CD6: variants seen among roughly 807,000 people sequenced by gnomAD.
CD6 encodes the protein T-cell differentiation antigen CD6.
A neutral mutation model predicts 75.3 loss-of-function variants in CD6; 53 were observed. The observed-to-expected ratio is 0.70, with a 90% CI of 0.56 to 0.88. CD6 has a LOEUF of 0.88. Among genes scored for constraint, CD6 ranks in the 40% least tolerant of loss-of-function variants. CD6 has a pLI of 0.00. For missense variants in CD6, 770 were observed against 897.1 expected, an observed-to-expected ratio of 0.86 and a Z score of 1.81; for synonymous variants, 359 against 381.5, an observed-to-expected ratio of 0.94 and a Z score of 0.69.
rs1858990570 is a variant in CD6, at chr11:61,008,601, T to C, written c.537T>C (p.His179=). The C allele has an allele frequency of 3.1e-6, 5 of 1,608,330 alleles. No individual in the cohort carries two copies. In the South Asian group the frequency reaches 4.4e-5, roughly 14 times the overall value. ...ACAGRVEMLE[H]GEWGSVCDDT... Reference sequence around the variant, plus strand: ...CCGGCCGCGTGGAGATGCTGGAGCATGGCGAGTGGGGATCAGTGTGCGATG... The same window carrying C: ...CCGGCCGCGTGGAGATGCTGGAGCACGGCGAGTGGGGATCAGTGTGCGATG... Residue 179 remains histidine (H), a synonymous_variant, in exon 4 of 13, where the codon CAT becomes CAC. Transcript: ENST00000313421.
chr11:61,008,719 G>A lies in CD6; in HGVS notation c.655G>A (p.Gly219Ser), dbSNP rs750839213. ...QALPGLHFTP[G>S]RGPIHRDQVN... Reference sequence around the variant, plus strand: ...CCTGCCCGGCTTGCACTTCACGCCCGGCCGCGGGCCTATCCACCGGGACCA... The same window carrying A: ...CCTGCCCGGCTTGCACTTCACGCCCAGCCGCGGGCCTATCCACCGGGACCA... Residue 219 changes from glycine to serine, a missense_variant, in exon 4 of 13, where the codon GGC (glycine) becomes AGC (serine). Coordinates refer to ENST00000313421, the MANE Select transcript of CD6 (RefSeq NM_006725.5). 2 of 1,608,018 alleles carry A rather than the reference G, an allele frequency of 1.2e-6. No individual in the cohort carries two copies. The highest frequency in any genetic ancestry group is 1.7e-5 in the Admixed American group (1 of 59,490).
rs747740509 is a variant in CD6, at chr11:60,971,918, G to A, written c.49+4G>A. On this transcript the variant is annotated splice_donor_region_variant and intron_variant, in intron 1 of 12. Coordinates refer to ENST00000313421, the MANE Select transcript of CD6 (RefSeq NM_006725.5). ...TTGCTGACGGCAGCCCTCTCAGGTA[G>A]GCCCCCTTCCCTCATCTCCTGCCAC... is the stretch of plus-strand genomic sequence containing the variant. The A allele has an allele frequency of 4.3e-6, 7 of 1,613,716 alleles. No individual in the cohort carries two copies. The African/African-American group carries it at 8.0e-5, about 18-fold the overall frequency.
chr11:61,012,356 CG>C (rs1859191465), intron 6 of CD6, among the ~76,000 whole-genome samples: 1 of 152,026 alleles, frequency 6.6e-6, no homozygotes, highest in Non-Finnish European at 1.5e-5. Flanking sequence ...CCCTCGGCCA[CG>C]GCCCTCTGTA....
At chr11:60,999,304 T>C (rs968342207) in intron 1 of CD6, among the ~76,000 whole-genome samples, 1 of 151,296 alleles carries the variant, frequency 6.6e-6, no homozygotes, top group Non-Finnish European at 1.5e-5. Flanking sequence ...AGGTCCTGGA[T>C]ATATGGGGGT....
At chr11:60,983,440 G>A (rs1857666964) in intron 1 of CD6, among the ~76,000 whole-genome samples, 1 of 152,074 alleles carries the variant, frequency 6.6e-6, no homozygotes, top group East Asian at 1.9e-4. Context: ...GACTTACTGA[G>A]AAGTTGCAAG....
At chr11:60,979,339 G>T (rs563992200) in intron 1 of CD6, among the ~76,000 whole-genome samples, 1 of 152,166 alleles carries the variant, frequency 6.6e-6, no homozygotes, top group African/African-American at 2.4e-5. Context: ...ATCATGGCAC[G>T]CCCTCATGGG....
chr11:61,011,557 G>A (rs903613386), intron 6 of CD6, among the ~76,000 whole-genome samples: 4 of 152,232 alleles, frequency 2.6e-5, no homozygotes, highest in Admixed American at 2.6e-4. Flanking sequence ...ACTGGGCCTA[G>A]GGCTTTATAG....
intron 1 of CD6, among the ~76,000 whole-genome samples, chr11:60,972,344 ATC>A (rs1857217687): frequency 1.3e-5 from 2 of 152,236 alleles, no homozygotes. Flanking sequence ...GCGTAGGCCA[ATC>A]ACAGGAGAGC....
intron 1 of CD6, among the ~76,000 whole-genome samples, chr11:60,979,870 A>C (rs773532476): frequency 2.6e-5 from 4 of 152,174 alleles, no homozygotes; most frequent in African/African-American, 9.7e-5. Context: ...AACAGTTTAT[A>C]GTGTTGTGGT....
rs1797852833 is a variant in CD6, at chr11:61,001,639, C to G, written c.50-4935C>G. Among the ~76,000 whole-genome samples, 6 of 152,138 alleles carry G rather than the reference C, an allele frequency of 3.9e-5. No individual in the cohort carries two copies. The South Asian group carries it at 1.2e-3, about 32-fold the overall frequency. On this transcript the variant is annotated intron_variant, in intron 1 of 12. Transcript: ENST00000313421. ...TTCTTATTTTTTTCATATCAACATA[C>G]ATACCTAATTTTACATACATAGAAT...
chr11:60,991,922 G>T (rs968837610), intron 1 of CD6, among the ~76,000 whole-genome samples: 56 of 151,826 alleles, frequency 3.7e-4, no homozygotes, highest in African/African-American at 1.4e-3. Flanking sequence ...TCACTCTGTT[G>T]CCCAGGCTGG....
chr11:60,981,132 G>A (rs1857545045), intron 1 of CD6, among the ~76,000 whole-genome samples: 1 of 152,224 alleles, frequency 6.6e-6, no homozygotes, highest in African/African-American at 2.4e-5. Context: ...TGTTAGGCAG[G>A]CAGTACAAGG....
Position 61,019,366 on chromosome 11 carries a change from C to T in CD6, c.*48C>T. The stretch of plus-strand genomic sequence containing the variant: ...GGGGTGGCTCTGACCCTCTGGCCTC[C>T]TGCTCTACCTACTCCCTTTCCCCTT... On this transcript the variant is annotated 3_prime_UTR_variant, in exon 13 of 13. Coordinates refer to ENST00000313421, the MANE Select transcript of CD6 (RefSeq NM_006725.5). The T allele has an allele frequency of 7.0e-7, 1 of 1,437,218 alleles. No homozygotes were observed. The highest frequency in any genetic ancestry group is 2.3e-5 in the East Asian group (1 of 43,658). 89.0% of individuals were successfully genotyped at this position (1,437,218 alleles called of 1,614,324 possible). A position where few individuals can be genotyped will look rare whatever the true frequency, so the allele number is the denominator to read the frequency against.
chr11:61,017,267 T>C, intron 9 of CD6: 1 of 575,394 alleles, frequency 1.7e-6, no homozygotes, highest in East Asian at 2.9e-5. Flanking sequence ...GGCACTAGAG[T>C]TTCTGTCCCC....
At chr11:60,997,828 GA>G (rs11288769) in intron 1 of CD6, among the ~76,000 whole-genome samples, 39,611 of 152,110 alleles carry the variant, frequency 0.26, 5,917 homozygotes, top group African/African-American at 0.4. Flanking sequence ...TAAATAAAAT[GA>G]AATTTTGAGT....
At chr11:61,013,370 G>T in intron 6 of CD6, 53 bp from the exon 7 acceptor site, 3 of 1,599,232 alleles carry the variant, frequency 1.9e-6, no homozygotes, top group South Asian at 2.2e-5. Flanking sequence ...AAGGCAAGAA[G>T]AAGGGTGAGT....
At chr11:60,993,480 C>A (rs2905511) in intron 1 of CD6, among the ~76,000 whole-genome samples, 151,344 of 152,240 alleles carry the variant, frequency 0.99, 75,234 homozygotes, top group Middle Eastern at 1. Context: ...TAATAACAAC[C>A]ACAGCTACCA....
At chr11:60,992,704 T>A (rs887297107) in intron 1 of CD6, among the ~76,000 whole-genome samples, 2 of 152,064 alleles carry the variant, frequency 1.3e-5, no homozygotes, top group African/African-American at 4.8e-5. Context: ...GGCGTGCACC[T>A]GTAATCCCAG....
chr11:61,017,814 T>A lies in CD6; in HGVS notation c.1638T>A (p.Ile546=). ...HIPTANPGHC[I]TDPPSLGPQY... Reference sequence around the variant, plus strand: ...CAACTGCCAACCCTGGACACTGCATTACAGACCCGCCATCCCTGGGCCCTC... The same window carrying A: ...CAACTGCCAACCCTGGACACTGCATAACAGACCCGCCATCCCTGGGCCCTC... Residue 546 remains isoleucine, a synonymous_variant, in exon 11 of 13, where the codon ATT becomes ATA. Coordinates refer to ENST00000313421, the MANE Select transcript of CD6 (RefSeq NM_006725.5). 1 of 1,614,082 alleles carries A rather than the reference T, an allele frequency of 6.2e-7. No individual in the cohort carries two copies. Among genetic ancestry groups the A allele is most frequent in the Non-Finnish European group, 8.5e-7 (1 of 1,180,000 alleles).
Sources: gnomAD v4.1 joint callset for allele counts (sites outside exome capture counted in the v4.1 genomes callset) on GRCh38, gnomAD v4.1.1 for gene constraint, MANE v1.5 for transcripts, NCBI Gene and HGNC (gene_info 2026-07-23, HGNC 2026-07-21) for gene names.